ZEB1: variants seen among roughly 807,000 people sequenced by gnomAD.
ZEB1 encodes zinc finger E-box binding homeobox 1, also known as zinc finger E-box-binding homeobox 1.
Under a neutral mutation model 84.9 loss-of-function variants are expected in ZEB1, and 21 were observed. The ratio of observed to expected loss-of-function variants is 0.25; its 90% CI spans 0.18 to 0.36. ZEB1 has a LOEUF of 0.36. Ranked by LOEUF, ZEB1 falls within the 10% of genes least tolerant of loss-of-function variation. The pLI is 1.00. For missense variants in ZEB1, 1,104 were observed against 1,330.2 expected (o/e 0.83, Z 2.65); for synonymous variants, 420 against 471.1 (o/e 0.89, Z 1.41).
At chr10:31,486,759 T>C (rs2065818884) in intron 2 of ZEB1, among the ~76,000 whole-genome samples, 1 of 151,516 alleles carries the variant, frequency 6.6e-6, no homozygotes. Flanking sequence ...TCCTAGTCTT[T>C]CACAGAACAA....
chr10:31,343,087 A>G (rs1386982431), intron 1 of ZEB1, among the ~76,000 whole-genome samples: 1 of 152,112 alleles, frequency 6.6e-6, no homozygotes, highest in Non-Finnish European at 1.5e-5. Context: ...AGTGGATTGC[A>G]TTTATTCTCA....
intron 1 of ZEB1, among the ~76,000 whole-genome samples, chr10:31,447,929 C>A (rs1437976293): frequency 6.6e-6 from 1 of 151,916 alleles, no homozygotes; most frequent in Non-Finnish European, 1.5e-5. Context: ...TTTTGGCGTT[C>A]TCTGTATTTC....
chr10:31,355,038 T>C (rs1029272020), intron 1 of ZEB1: 6 of 152,188 alleles, frequency 3.9e-5, no homozygotes, highest in Non-Finnish European at 1.5e-5. Context: ...TTATTAAAAG[T>C]TCTTTTGATA....
At chr10:31,405,064 C>G (rs2052724640) in intron 1 of ZEB1, among the ~76,000 whole-genome samples, 1 of 152,152 alleles carries the variant, frequency 6.6e-6, no homozygotes, top group African/African-American at 2.4e-5. Context: ...CTAGCCTGTT[C>G]TGCAGATGAG....
intron 1 of ZEB1, among the ~76,000 whole-genome samples, chr10:31,330,109 A>G (rs1381057534): frequency 6.6e-6 from 1 of 152,128 alleles, no homozygotes; most frequent in Non-Finnish European, 1.5e-5. Flanking sequence ...ATCTTTGCCT[A>G]TTCCAGATCT....
In ZEB1 at chr10:31,406,826, G is replaced by A. The variant is rs1165414175; in HGVS notation, c.59-54211G>A. Among the ~76,000 whole-genome samples the A allele has an allele frequency of 2.6e-5, 4 of 152,186 alleles. No individual in the cohort carries two copies. The East Asian group carries it at 5.8e-4, about 22-fold the overall frequency. ...CTTCTAGAGTTTTTTATGGTTTTAG[G>A]TCTTATGTTTAAGTGTTTAATCTAT... is the stretch of plus-strand genomic sequence containing the variant. On this transcript the variant is annotated intron_variant, in intron 1 of 8. Coordinates refer to ENST00000424869, the MANE Select transcript of ZEB1 (RefSeq NM_001174096.2).
chr10:31,428,068 C>T (rs1591155871), intron 1 of ZEB1, among the ~76,000 whole-genome samples: 1 of 152,032 alleles, frequency 6.6e-6, no homozygotes, highest in Non-Finnish European at 1.5e-5. Flanking sequence ...CTGTCTCCTT[C>T]AGTTCAGCTC....
chr10:31,356,733 G>A (rs2042188724), intron 1 of ZEB1, among the ~76,000 whole-genome samples: 1 of 151,964 alleles, frequency 6.6e-6, no homozygotes, highest in African/African-American at 2.4e-5. Flanking sequence ...CTACCTATAC[G>A]GGCCTTAACT....
At chr10:31,361,025 A>T in intron 1 of ZEB1, 1 of 1,609,356 alleles carries the variant, frequency 6.2e-7, no homozygotes, top group Non-Finnish European at 8.5e-7. Flanking sequence ...CCTGCTTACC[A>T]TCTTATTTTG....
At chr10:31,484,945 A>C (rs1355930760) in intron 2 of ZEB1, among the ~76,000 whole-genome samples, 1 of 151,920 alleles carries the variant, frequency 6.6e-6, no homozygotes, top group African/African-American at 2.4e-5. Context: ...TGATGTTGTA[A>C]TTCTCTGTCT....
At chr10:31,481,384 C>G (rs930873052) in intron 2 of ZEB1, among the ~76,000 whole-genome samples, 1 of 151,982 alleles carries the variant, frequency 6.6e-6, no homozygotes, top group Non-Finnish European at 1.5e-5. Flanking sequence ...ATACCCAGAT[C>G]TAGGATTTAA....
intron 2 of ZEB1, among the ~76,000 whole-genome samples, chr10:31,467,346 C>G (rs1034438230): frequency 1.3e-5 from 2 of 151,972 alleles, no homozygotes; most frequent in African/African-American, 4.8e-5. Flanking sequence ...CCCCGAGTGC[C>G]CTGCATCCGA....
At chr10:31,387,442 A>G (rs2048828985) in intron 1 of ZEB1, among the ~76,000 whole-genome samples, 1 of 152,192 alleles carries the variant, frequency 6.6e-6, no homozygotes, top group South Asian at 2.1e-4. Flanking sequence ...TTAGAAGTGA[A>G]GCATGTCCTG....
chr10:31,467,389 A>G (rs1413683138), intron 2 of ZEB1, among the ~76,000 whole-genome samples: 1 of 152,100 alleles, frequency 6.6e-6, no homozygotes, highest in African/African-American at 2.4e-5. Flanking sequence ...ACACCAGGAT[A>G]GAGTGGGGCC....
intron 1 of ZEB1, among the ~76,000 whole-genome samples, chr10:31,416,223 A>C (rs1202796541): frequency 6.6e-6 from 1 of 152,072 alleles, no homozygotes; most frequent in East Asian, 1.9e-4. Flanking sequence ...AATACTTCAT[A>C]CTTTAGGAAA....
intron 1 of ZEB1, among the ~76,000 whole-genome samples, chr10:31,450,565 T>G (rs930886298): frequency 1.3e-5 from 2 of 152,162 alleles, no homozygotes; most frequent in African/African-American, 4.8e-5. Context: ...CTTTTATTCT[T>G]TTTAAAAATT....
At chr10:31,490,952 A>G (rs1395232625) in intron 2 of ZEB1, among the ~76,000 whole-genome samples, 1 of 151,784 alleles carries the variant, frequency 6.6e-6, no homozygotes, top group African/African-American at 2.4e-5. Flanking sequence ...AGCCTTTGAA[A>G]TGCTGTTCAG....
At chr10:31,370,130 C>T (rs2045434746) in intron 1 of ZEB1, among the ~76,000 whole-genome samples, 1 of 152,124 alleles carries the variant, frequency 6.6e-6, no homozygotes, top group Non-Finnish European at 1.5e-5. Flanking sequence ...GTATGATTTG[C>T]AGATATTTCT....
At chr10:31,324,535 T>C (rs2035013758) in intron 1 of ZEB1, among the ~76,000 whole-genome samples, 1 of 152,016 alleles carries the variant, frequency 6.6e-6, no homozygotes, top group African/African-American at 2.4e-5. Flanking sequence ...AGGAGAAAAA[T>C]CATGCAGATG....
Sources: allele counts gnomAD v4.1 joint callset (sites outside exome capture counted in the v4.1 genomes callset), GRCh38; gene constraint gnomAD v4.1.1; transcripts MANE v1.5; gene names NCBI Gene and HGNC (gene_info 2026-07-23, HGNC 2026-07-21).